The following UGT1A9 variants were observed in gnomAD, a reference collection of about 807,000 sequenced individuals.
The protein encoded by UGT1A9 is UDP glucuronosyltransferase family 1 member A9, also known as UDP-glucuronosyltransferase 1A9.
In UGT1A9, 35 loss-of-function variants were observed where a neutral mutation model predicts 45.0. The ratio of observed to expected loss-of-function variants is 0.78; its 90% confidence interval spans 0.59 to 1.03. The LOEUF is 1.03. Ranked by LOEUF, UGT1A9 falls within the 50% of genes least tolerant of loss-of-function variation. UGT1A9 has a pLI of 0.00. For missense variants in UGT1A9, 687 were observed against 666.6 expected, an observed-to-expected ratio of 1.03 and a Z score of -0.34; for synonymous variants, 278 against 250.6, an observed-to-expected ratio of 1.11 and a Z score of -1.03.
intron 1 of UGT1A9, among the ~76,000 whole-genome samples, chr2:233,700,095 G>A (rs2075543573): frequency 6.6e-6 from 1 of 152,208 alleles, no homozygotes; most frequent in Non-Finnish European, 1.5e-5. Flanking sequence ...GCCTGGAGGT[G>A]TGGAGGGCAG....
chr2:233,765,183 T>A (rs1157736453), intron 1 of UGT1A9, among the ~76,000 whole-genome samples: 1 of 152,162 alleles, frequency 6.6e-6, no homozygotes. Flanking sequence ...CCCTGCCACA[T>A]CACACAATCA....
At chr2:233,756,970 G>A (rs550793027) in intron 1 of UGT1A9, among the ~76,000 whole-genome samples, 57 of 152,062 alleles carry the variant, frequency 3.7e-4, no homozygotes, top group Non-Finnish European at 5.3e-4. Context: ...TGGTAAGCAC[G>A]CAATGAACAG....
intron 1 of UGT1A9, chr2:233,692,449 C>T (rs45568235): frequency 0.021 from 3,275 of 156,680 alleles, 115 homozygotes; most frequent in African/African-American, 0.074. Flanking sequence ...ACCTGGGGAC[C>T]TACTACTTGC....
intron 1 of UGT1A9, chr2:233,718,888 A>G (rs1440717664): frequency 6.2e-7 from 1 of 1,613,998 alleles, no homozygotes; most frequent in Non-Finnish European, 8.5e-7. Context: ...CTCAGTGTCC[A>G]GCCCTGGGCT....
In UGT1A9 at chr2:233,672,159, G is replaced by A. The variant is rs41264153; in HGVS notation, c.225G>A (p.Lys75=). ...GAAGATCACTGAATTGCACAGTGAAGACTTATTCAACTTCATATACCCTGG... is the reference window on the plus strand; with the variant it reads ...GAAGATCACTGAATTGCACAGTGAAAACTTATTCAACTTCATATACCCTGG... ...QLGRSLNCTV[K]TYSTSYTLED... The change falls in exon 1 of 5, where the codon AAG becomes AAA. Residue 75 remains lysine, a synonymous_variant. Transcript: ENST00000354728. 12,138 of 1,614,202 alleles carry A rather than the reference G, an allele frequency of 7.5e-3. 71 individuals are homozygous for A. The highest frequency in any genetic ancestry group is 9.3e-3 in the Non-Finnish European group (11,018 of 1,180,026).
At chr2:233,759,599 A>ACCCCCCCCCCCCCCCCC (rs1553620419) in intron 1 of UGT1A9, among the ~76,000 whole-genome samples, 1 of 108,732 alleles carries the variant, frequency 9.2e-6, no homozygotes, top group African/African-American at 3.3e-5. Flanking sequence ...CCCACCCCCG[A>ACCCCCCCCCCCCCCCCC]CCCGCCCCAC....
At chr2:233,704,378 C>T (rs113589213) in intron 1 of UGT1A9, among the ~76,000 whole-genome samples, 7 of 151,452 alleles carry the variant, frequency 4.6e-5, no homozygotes, top group African/African-American at 1.2e-4. Flanking sequence ...CTTAGCACAT[C>T]GATTTTAACT....
At chr2:233,693,286 T>C in intron 1 of UGT1A9, 1 of 1,614,182 alleles carries the variant, frequency 6.2e-7, no homozygotes, top group Non-Finnish European at 8.5e-7. Flanking sequence ...ACCAATCATT[T>C]GGAAACAATC....
At position 233,761,104 on chromosome 2, in the gene UGT1A9, G is replaced by T. The variant is rs143072292; in HGVS notation, c.856-5930G>T. On this transcript the variant is annotated intron_variant, in intron 1 of 4. Transcript: ENST00000354728. Reference sequence around the variant, plus strand: ...CCCTAGGCCCATCATGCCCAATATGGTTTTTGTTGGTGGAATCAACTGCCT... The same window carrying T: ...CCCTAGGCCCATCATGCCCAATATGTTTTTTGTTGGTGGAATCAACTGCCT... 1.9e-6 allele frequency: 3 copies of T among 1,614,078 alleles called. No homozygotes were observed. In the African/African-American group the frequency reaches 4.0e-5, roughly 22 times the overall value.
intron 1 of UGT1A9, among the ~76,000 whole-genome samples, chr2:233,739,970 G>A (rs887253377): frequency 6.6e-5 from 10 of 151,810 alleles, no homozygotes; most frequent in Admixed American, 4.6e-4. Flanking sequence ...GAATCATATC[G>A]GCAGTTTTCC....
intron 1 of UGT1A9, among the ~76,000 whole-genome samples, chr2:233,699,435 T>C (rs2075505812): frequency 6.6e-6 from 1 of 152,214 alleles, no homozygotes; most frequent in African/African-American, 2.4e-5. Context: ...GAAGGGTCAT[T>C]GGAGTGTTTT....
intron 1 of UGT1A9, chr2:233,681,915 T>C (rs2074544960): frequency 1.2e-6 from 2 of 1,602,164 alleles, no homozygotes; most frequent in South Asian, 2.2e-5. Flanking sequence ...TCCCAGCTGC[T>C]GGCTCTGGGC....
At chr2:233,706,570 A>G (rs1030888429) in intron 1 of UGT1A9, among the ~76,000 whole-genome samples, 1 of 152,166 alleles carries the variant, frequency 6.6e-6, no homozygotes, top group African/African-American at 2.4e-5. Context: ...ACCTTAGGGT[A>G]AGAGTGGAGA....
At chr2:233,765,000 T>A (rs907940038) in intron 1 of UGT1A9, among the ~76,000 whole-genome samples, 1 of 152,020 alleles carries the variant, frequency 6.6e-6, no homozygotes. Context: ...TTCCTGGTCA[T>A]GTTCCAAATC....
chr2:233,767,299 C>A (rs1479626764), intron 2 of UGT1A9, 134 bp downstream of exon 2: 17 of 1,540,620 alleles, frequency 1.1e-5, no homozygotes, highest in Non-Finnish European at 1.3e-5. Flanking sequence ...AACTATTAAT[C>A]CAAAGGTTTT....
At chr2:233,679,052 G>C (rs1398137730) in intron 1 of UGT1A9, among the ~76,000 whole-genome samples, 1 of 152,176 alleles carries the variant, frequency 6.6e-6, no homozygotes, top group Non-Finnish European at 1.5e-5. Context: ...TCTCTATCCA[G>C]ATTCTCTTCC....
chr2:233,768,108 G>C, intron 3 of UGT1A9, 112 bp from the exon 4 acceptor site: 1 of 1,594,934 alleles, frequency 6.3e-7, no homozygotes, highest in South Asian at 1.1e-5. Flanking sequence ...GCAAATTTCT[G>C]CAAGGGCATG....
chr2:233,755,067 T>G, intron 1 of UGT1A9: 1 of 1,335,754 alleles, frequency 7.5e-7, no homozygotes, highest in Non-Finnish European at 1.0e-6. Context: ...CGCCTCGCCA[T>G]AGCGGTCATA....
intron 4 of UGT1A9, chr2:233,770,700 A>G (rs1353912546): frequency 1.3e-5 from 2 of 152,056 alleles, no homozygotes; most frequent in African/African-American, 4.8e-5. Flanking sequence ...AATTCATCTT[A>G]AGGTTTATGT....
Sources: gnomAD v4.1 joint callset for allele counts (sites outside exome capture counted in the v4.1 genomes callset) on GRCh38, gnomAD v4.1.1 for gene constraint, MANE v1.5 for transcripts, NCBI Gene and HGNC (gene_info 2026-07-23, HGNC 2026-07-21) for gene names.